PIAS1: variants seen among roughly 807,000 people sequenced by gnomAD.
PIAS1 encodes the protein protein inhibitor of activated STAT 1.
PIAS1 carries 6 observed loss-of-function variants against 71.3 expected under a neutral mutation model. The observed-to-expected ratio is 0.08, with a 90% CI of 0.05 to 0.17. The LOEUF (loss-of-function observed/expected upper bound fraction) is 0.17. PIAS1 is among the 10% of genes least tolerant of loss of function. The pLI is 1.00. For synonymous variants in PIAS1, 303 were observed against 292.9 expected (o/e 1.03, Z -0.35); for missense variants, 555 against 793.6 (o/e 0.70, Z 3.61).
chr15:68,132,692 A>G (rs1373067686), intron 2 of PIAS1, among the ~76,000 whole-genome samples: 1 of 152,196 alleles, frequency 6.6e-6, no homozygotes. Flanking sequence ...TGGCTATAAA[A>G]CTAGGGTTAA....
At chr15:68,134,587 C>A (rs1169370180) in intron 2 of PIAS1, among the ~76,000 whole-genome samples, 817 of 40,020 alleles carry the variant, frequency 0.02, 209 homozygotes, top group African/African-American at 0.038. Flanking sequence ...CGCCCCCCAC[C>A]CCCCAGACGG....
chr15:68,116,427 A>G (rs374248783), intron 2 of PIAS1, among the ~76,000 whole-genome samples: 7 of 152,074 alleles, frequency 4.6e-5, no homozygotes, highest in African/African-American at 1.7e-4. Context: ...ATATGTAGTG[A>G]TATAACCTCT....
chr15:68,168,210 T>C (rs1291853210), intron 8 of PIAS1, among the ~76,000 whole-genome samples: 1 of 152,050 alleles, frequency 6.6e-6, no homozygotes, highest in Non-Finnish European at 1.5e-5. Context: ...GGTTTCACCA[T>C]GTTGGCTAGG....
intron 8 of PIAS1, among the ~76,000 whole-genome samples, chr15:68,170,136 C>T (rs1430255486): frequency 1.3e-5 from 2 of 152,084 alleles, no homozygotes; most frequent in African/African-American, 2.4e-5. Flanking sequence ...GAAATTAGTC[C>T]AACCTGTTTC....
chr15:68,098,730 C>T (rs951103059), intron 2 of PIAS1, among the ~76,000 whole-genome samples: 4 of 152,144 alleles, frequency 2.6e-5, no homozygotes, highest in Non-Finnish European at 4.4e-5. Flanking sequence ...TCTTTTTTAG[C>T]AGCTACTTAG....
chr15:68,177,278 C>CAAA (rs3083984), intron 11 of PIAS1, among the ~76,000 whole-genome samples: 4,802 of 90,764 alleles, frequency 0.053, 385 homozygotes, highest in African/African-American at 0.19. Flanking sequence ...GACTTTGTCT[C>CAAA]AAAAAAAAAA....
intron 2 of PIAS1, among the ~76,000 whole-genome samples, chr15:68,127,340 G>C (rs1003787129): frequency 6.6e-6 from 1 of 152,122 alleles, no homozygotes; most frequent in African/African-American, 2.4e-5. Context: ...CAGTTGTCTA[G>C]CTAACTAGAG....
chr15:68,161,828 G>C (rs2092926532), intron 7 of PIAS1, among the ~76,000 whole-genome samples: 1 of 151,962 alleles, frequency 6.6e-6, no homozygotes, highest in Non-Finnish European at 1.5e-5. Flanking sequence ...TACTTGGGAG[G>C]CTGAGGCAGG....
At position 68,173,959 on chromosome 15, in the gene PIAS1, A is replaced by G. The variant is rs2093006823; in HGVS notation, c.1169+67A>G. 7 of 1,027,818 alleles carry G rather than the reference A, an allele frequency of 6.8e-6. No individual in the cohort carries two copies. In the Admixed American group the frequency reaches 1.1e-4, roughly 16 times the overall value. 63.7% of individuals were successfully genotyped at this position (1,027,818 alleles called of 1,614,324 possible). A position where few individuals can be genotyped will look rare whatever the true frequency, so the allele number is the denominator to read the frequency against. Reference sequence around the variant, plus strand: ...ATATTATCTGGGTTTGTTACACATCAGATTTGGGATGAAAATTCTAAGTTA... The same window carrying G: ...ATATTATCTGGGTTTGTTACACATCGGATTTGGGATGAAAATTCTAAGTTA... On this transcript the variant is annotated intron_variant, in intron 9 of 13. Transcript: ENST00000249636. This position sits in a 1 kb window ranked among gnomAD's most constrained non-coding sequence, Gnocchi z 4.3.
intron 7 of PIAS1, among the ~76,000 whole-genome samples, chr15:68,161,488 G>T (rs986881293): frequency 6.1e-4 from 85 of 138,922 alleles, no homozygotes; most frequent in Admixed American, 1.7e-3. Flanking sequence ...GAAGGCATAG[G>T]TTTTTTTTTT....
chr15:68,073,110 G>A (rs940817211), intron 1 of PIAS1, among the ~76,000 whole-genome samples: 1 of 152,130 alleles, frequency 6.6e-6, no homozygotes, highest in African/African-American at 2.4e-5. Flanking sequence ...CCGCCTCCTG[G>A]GTTCATGCCA....
intron 4 of PIAS1, among the ~76,000 whole-genome samples, chr15:68,143,072 T>C (rs2092783092): frequency 6.6e-6 from 1 of 151,876 alleles, no homozygotes; most frequent in South Asian, 2.1e-4. Context: ...CCCTTTTATA[T>C]ACATATATAT....
chr15:68,118,594 A>G (rs890367980), intron 2 of PIAS1, among the ~76,000 whole-genome samples: 2 of 152,232 alleles, frequency 1.3e-5, no homozygotes, highest in East Asian at 3.9e-4. Context: ...CTCCCACCTC[A>G]GTCTCCTGAG....
chr15:68,160,367 G>T (rs767298681), intron 7 of PIAS1, among the ~76,000 whole-genome samples: 2 of 152,226 alleles, frequency 1.3e-5, no homozygotes, highest in Middle Eastern at 3.4e-3. Flanking sequence ...TGAAAAGACT[G>T]TCTTTCCTTC....
At chr15:68,146,200 G>A (rs2092806853) in intron 5 of PIAS1, among the ~76,000 whole-genome samples, 1 of 152,100 alleles carries the variant, frequency 6.6e-6, no homozygotes, top group Non-Finnish European at 1.5e-5. Flanking sequence ...TAAGCCTATG[G>A]TAGAATGGAG....
Position 68,187,760 on chromosome 15 carries a change from C to T in PIAS1, c.1881C>T (p.His627=). The change falls in exon 14 of 14, where the codon CAC becomes CAT. Residue 627 remains histidine, a synonymous_variant. Coordinates refer to ENST00000249636, the MANE Select transcript of PIAS1 (RefSeq NM_016166.3). This position sits in a 1 kb window ranked among gnomAD's most constrained non-coding sequence, Gnocchi z 5.3. The part of the protein sequence containing the change: ...SSNSLRESHS[H]TVTNRSSTDT... Reference sequence around the variant, plus strand: ...ACAGCCTAAGGGAAAGCCATAGCCACACCGTCACAAACAGGAGCAGCACGG... The same window carrying T: ...ACAGCCTAAGGGAAAGCCATAGCCATACCGTCACAAACAGGAGCAGCACGG... 1 of 1,614,012 alleles carries T rather than the reference C, an allele frequency of 6.2e-7. No individual in the cohort carries two copies. Among genetic ancestry groups the T allele is most frequent in the Non-Finnish European group, 8.5e-7 (1 of 1,179,894 alleles).
chr15:68,122,826 C>G (rs779015203), intron 2 of PIAS1, among the ~76,000 whole-genome samples: 35 of 151,970 alleles, frequency 2.3e-4, no homozygotes, highest in Non-Finnish European at 4.1e-4. Flanking sequence ...ACTATTTTTT[C>G]AAAACTTAGC....
In PIAS1 at chr15:68,153,658, A is replaced by G; in HGVS notation, c.897A>G (p.Ala299=). 3.1e-6 allele frequency: 5 copies of G among 1,587,808 alleles called. No individual in the cohort carries two copies. Among genetic ancestry groups the G allele is most frequent in the Non-Finnish European group, 4.3e-6 (5 of 1,156,354 alleles). Residue 299 remains alanine, a synonymous_variant, in exon 7 of 14, where the codon GCA becomes GCG. Coordinates refer to ENST00000249636, the MANE Select transcript of PIAS1 (RefSeq NM_016166.3). ...SSTVLLQRLR[A]KGIRNPDHSR... ...CAGTTCTTCTTCAGAGGTTACGAGC[A>G]AAGGGAATAAGGAATCCGGATCATT...
In PIAS1 at chr15:68,054,580, T is replaced by G; in HGVS notation, c.24+230T>G. The G allele has an allele frequency of 6.8e-6, 3 of 441,616 alleles. No individual in the cohort carries two copies. The highest frequency in any genetic ancestry group is 4.3e-5 in the Admixed American group (1 of 23,250). The allele number at this position is 441,616 out of a possible 1,614,324, so 27.4% of individuals were successfully genotyped here. ...CGGGTCGTCCCCGGCGTGTTATTGT[T>G]GTGGGCGCCTCTGGCGGGGGTGGCG... On this transcript the variant is annotated intron_variant, in intron 1 of 13. Coordinates refer to ENST00000249636, the MANE Select transcript of PIAS1 (RefSeq NM_016166.3). This position sits in a 1 kb window ranked among gnomAD's most constrained non-coding sequence, Gnocchi z 4.6.
Sources: allele counts gnomAD v4.1 joint callset (sites outside exome capture counted in the v4.1 genomes callset), GRCh38; gene constraint gnomAD v4.1.1; non-coding constraint Gnocchi (gnomAD v3.1); transcripts MANE v1.5; gene names NCBI Gene and HGNC (gene_info 2026-07-23, HGNC 2026-07-21).